Variants in CIP2A observed in about 807,000 individuals in gnomAD.
CIP2A encodes the protein cellular inhibitor of PP2A, also known as protein CIP2A.
In CIP2A, 103 loss-of-function variants were observed where a neutral mutation model predicts 110.9. The observed-to-expected ratio is 0.93, with a 90% CI of 0.79 to 1.09. The LOEUF (loss-of-function observed/expected upper bound fraction) is 1.09. Among genes scored for constraint, CIP2A ranks in the 50% least tolerant of loss-of-function variants. CIP2A has a pLI of 0.00. For synonymous variants in CIP2A, 381 were observed against 361.6 expected, an observed-to-expected ratio of 1.05 and a Z score of -0.61; for missense variants, 1,088 against 1,038.4, an observed-to-expected ratio of 1.05 and a Z score of -0.66.
At chr3:108,575,380 G>A (rs1938548817) in intron 8 of CIP2A, among the ~76,000 whole-genome samples, 1 of 149,190 alleles carries the variant, frequency 6.7e-6, no homozygotes, top group South Asian at 2.1e-4. Flanking sequence ...ACATATACAT[G>A]TATGCGTGTA....
chr3:108,575,427 T>C (rs1252102920), intron 8 of CIP2A, among the ~76,000 whole-genome samples: 1 of 141,912 alleles, frequency 7.0e-6, no homozygotes, highest in Non-Finnish European at 1.6e-5. Flanking sequence ...TATACATGTA[T>C]ACATACACAT....
chr3:108,553,988 C>T (rs1170750296), intron 18 of CIP2A, among the ~76,000 whole-genome samples: 5 of 151,262 alleles, frequency 3.3e-5, no homozygotes, highest in South Asian at 2.1e-4. Flanking sequence ...CTCTGCCTCC[C>T]GGGCTCAAGT....
chr3:108,561,288 G>C (rs1937997823), intron 13 of CIP2A, among the ~76,000 whole-genome samples: 1 of 151,938 alleles, frequency 6.6e-6, no homozygotes, highest in African/African-American at 2.4e-5. Flanking sequence ...CTTCATATGA[G>C]CTGTTCCTTT....
Position 108,553,767 on chromosome 3 carries a change from G to T in CIP2A, c.2325-37C>A, listed in dbSNP as rs1167636677. 1.3e-5 allele frequency: 20 copies of T among 1,505,368 alleles called. 1 individual carries two copies. In the South Asian group the frequency reaches 2.2e-4, roughly 17 times the overall value. The allele number at this position is 1,505,368 out of a possible 1,614,324, so 93.3% of individuals were successfully genotyped here. A position where few individuals can be genotyped will look rare whatever the true frequency, so the allele number is the denominator to read the frequency against. On this transcript the variant is annotated intron_variant, in intron 18 of 20. Coordinates refer to ENST00000295746, the MANE Select transcript of CIP2A (RefSeq NM_020890.3). Reference sequence around the variant, plus strand: ...AAAAAAAATAGAAGAAAACATTAATGAACCATATACCATTTGTAACTTTTT... The same window carrying T: ...AAAAAAAATAGAAGAAAACATTAATTAACCATATACCATTTGTAACTTTTT...
Position 108,568,313 on chromosome 3 carries a change from T to A in CIP2A, c.1115A>T (p.Asp372Val). The stretch of plus-strand genomic sequence containing the variant: ...GGAACAGTTAGCAGCATCTATGACA[T>A]CCTGGAGAATTATCCATCACAAATG... ...ALELFKEIFE[D>V]VIDAANCSSA... Residue 372 changes from aspartate (D) to valine (V), a missense_variant and splice_region_variant, in exon 10 of 21, where the codon GAT becomes GTT. By Grantham distance (152) the Asp-to-Val change is radical (BLOSUM62 -3). Transcript: ENST00000295746. 6.2e-7 allele frequency: 1 copy of A among 1,610,778 alleles called. No homozygotes were observed. Among genetic ancestry groups the A allele is most frequent in the South Asian group, 1.1e-5 (1 of 90,826 alleles).
rs1232998086 is a variant in CIP2A, at chr3:108,579,284, G to A, written c.815C>T (p.Thr272Ile). 2 of 1,607,686 alleles carry A rather than the reference G, an allele frequency of 1.2e-6. No homozygotes were observed. Among genetic ancestry groups the A allele is most frequent in the African/African-American group, 1.3e-5 (1 of 74,818 alleles). Residue 272 changes from threonine (T) to isoleucine (I), a missense_variant, in exon 7 of 21, where the codon ACC becomes ATC. Physicochemically the swap from Thr to Ile is moderately conservative, Grantham distance 89. Transcript: ENST00000295746. ...AATTGACTGAAGTGAGTCATACCTGGTGAGATAATCAGCAATTTTAGGATT... is the reference window on the plus strand; with the variant it reads ...AATTGACTGAAGTGAGTCATACCTGATGAGATAATCAGCAATTTTAGGATT... ...LKNPKIADYLTRYEHFSSCLH... is the reference protein window; with the variant it reads ...LKNPKIADYLIRYEHFSSCLH...
intron 5 of CIP2A, among the ~76,000 whole-genome samples, chr3:108,580,513 T>C (rs1938832922): frequency 2.0e-5 from 3 of 150,884 alleles, no homozygotes. Flanking sequence ...CAGAAAAATG[T>C]AGCACTTGAA....
intron 19 of CIP2A, among the ~76,000 whole-genome samples, chr3:108,553,121 G>GTTTTTTTTTT (rs768832281): frequency 3.0e-5 from 2 of 67,158 alleles, no homozygotes; most frequent in Non-Finnish European, 5.3e-5. Context: ...CTTTCCTTTT[G>GTTTTTTTTTT]TTTTTTTTTT....
chr3:108,554,445 C>T lies in CIP2A; in HGVS notation c.2255G>A (p.Cys752Tyr). The T allele has an allele frequency of 1.3e-6, 2 of 1,556,116 alleles. No individual in the cohort carries two copies. The highest frequency in any genetic ancestry group is 1.8e-6 in the Non-Finnish European group (2 of 1,133,222). Residue 752 changes from cysteine (C) to tyrosine (Y), a missense_variant, in exon 18 of 21, where the codon TGT becomes TAT. By Grantham distance (194) the Cys-to-Tyr change is radical. Coordinates refer to ENST00000295746, the MANE Select transcript of CIP2A (RefSeq NM_020890.3). ...CTCAATTTGTTTATTCAGAGAATCA[C>T]ATGTGATCTGTAAATCTTTATTCTT... ...EKKNKDLQIT[C>Y]DSLNKQIETV...
Position 108,580,779 on chromosome 3 carries a change from C to T in CIP2A, c.549+636G>A, listed in dbSNP as rs998289283. ...AAGTAGCTGGGACTACAGGCGTGTG[C>T]CACCACGCCTGGCTAATTTTTTGTA... On this transcript the variant is annotated intron_variant, in intron 5 of 20. Coordinates refer to ENST00000295746, the MANE Select transcript of CIP2A (RefSeq NM_020890.3). Among the ~76,000 whole-genome samples, 4 of 152,084 alleles carry T rather than the reference C, an allele frequency of 2.6e-5. No homozygotes were observed. The South Asian group carries it at 8.3e-4, about 32-fold the overall frequency.
chr3:108,558,847 G>C (rs1937901394), intron 16 of CIP2A, among the ~76,000 whole-genome samples: 1 of 152,172 alleles, frequency 6.6e-6, no homozygotes, highest in Non-Finnish European at 1.5e-5. Flanking sequence ...TGACTGCAAA[G>C]AATGCGCAGA....
intron 13 of CIP2A, among the ~76,000 whole-genome samples, chr3:108,561,681 G>C (rs1938011695): frequency 6.6e-6 from 1 of 151,910 alleles, no homozygotes; most frequent in African/African-American, 2.4e-5. Flanking sequence ...AAACAAACAA[G>C]TAAATACACA....
chr3:108,589,396 T>C lies in CIP2A; in HGVS notation c.-21A>G. On this transcript the variant is annotated 5_prime_UTR_variant, in exon 1 of 21. Transcript: ENST00000295746. ...TCCATTGCACCGGCCGCGGCCCGGC[T>C]TAGGGACCACCACCGCCCAGCGTGC... The C allele has an allele frequency of 1.3e-6, 2 of 1,576,700 alleles. No individual in the cohort carries two copies. The highest frequency in any genetic ancestry group is 2.2e-5 in the South Asian group (2 of 89,034).
chr3:108,581,994 T>C (rs1237296780), intron 4 of CIP2A, 114 bp downstream of exon 4: 2 of 492,636 alleles, frequency 4.1e-6, no homozygotes, highest in Non-Finnish European at 7.4e-6. Context: ...AATCGGAGTC[T>C]CACTCAGTTT....
rs1937842274 is a variant in CIP2A at position 108,557,308 on chromosome 3, A to G, written c.2120T>C (p.Ile707Thr). ...CCTATTATGTTGAAAGAGATGCTCA[A>G]TATCACTCTGCGCTCTTTCTGATTC... ...QVESERAQSD[I>T]EHLFQHNRKL... is the part of the protein sequence containing the mutation. Residue 707 changes from isoleucine (I) to threonine (T), a missense_variant, in exon 17 of 21, where the codon ATT becomes ACT. By Grantham distance (89) the Ile-to-Thr change is moderately conservative. Transcript: ENST00000295746. 4 of 1,612,478 alleles carry G rather than the reference A, an allele frequency of 2.5e-6. No homozygotes were observed. The highest frequency in any genetic ancestry group is 2.7e-5 in the African/African-American group (2 of 74,964).
In CIP2A at chr3:108,560,674, A is replaced by G; in HGVS notation, c.1802T>C (p.Ile601Thr). 6.2e-7 allele frequency: 1 copy of G among 1,608,614 alleles called. No homozygotes were observed. The highest frequency in any genetic ancestry group is 8.5e-7 in the Non-Finnish European group (1 of 1,177,480). ...CACCATTCCAGACTGAAGTTTCTCT[A>G]TTAATTCTTCAATATTCAATCCAGG... ...GVPGLNIEEL[I>T]EKLQSGMVVK... The change falls in exon 14 of 21, where the codon ATA becomes ACA. Residue 601 changes from isoleucine to threonine, a missense_variant. Physicochemically the swap from Ile to Thr is moderately conservative, Grantham distance 89. Coordinates refer to ENST00000295746, the MANE Select transcript of CIP2A (RefSeq NM_020890.3).
intron 9 of CIP2A, 150 bp downstream of exon 9, chr3:108,569,239 A>T: frequency 6.7e-6 from 4 of 598,264 alleles, no homozygotes; most frequent in Non-Finnish European, 1.2e-5. Context: ...ACTGGCAGAA[A>T]AAAACCTAGC....
chr3:108,552,126 C>T, intron 20 of CIP2A, 108 bp downstream of exon 20: 1 of 791,724 alleles, frequency 1.3e-6, no homozygotes, highest in Non-Finnish European at 1.9e-6. Flanking sequence ...ATCCTAATAT[C>T]TTCTAAAAAA....
At chr3:108,570,000 C>A (rs750534657) in intron 8 of CIP2A, among the ~76,000 whole-genome samples, 1 of 151,846 alleles carries the variant, frequency 6.6e-6, no homozygotes, top group Non-Finnish European at 1.5e-5. Flanking sequence ...ATTCAATAAC[C>A]GCTATAAAGG....
Sources: gnomAD v4.1 joint callset for allele counts (sites outside exome capture counted in the v4.1 genomes callset) on GRCh38, gnomAD v4.1.1 for gene constraint, MANE v1.5 for transcripts, NCBI Gene and HGNC (gene_info 2026-07-23, HGNC 2026-07-21) for gene names.